APOO: variants seen among roughly 807,000 people sequenced by gnomAD.
The protein encoded by APOO is MICOS complex subunit MIC26.
APOO carries 11 observed loss-of-function variants against 23.1 expected under a neutral mutation model. The observed-to-expected ratio is 0.48, with a 90% CI of 0.30 to 0.79. APOO has a LOEUF of 0.79. Ranked by LOEUF, APOO falls within the 30% of genes least tolerant of loss-of-function variation. The pLI, the probability that APOO is intolerant of heterozygous loss-of-function variation, is 0.07. For synonymous variants in APOO, 59 were observed against 54.8 expected (o/e 1.08, Z -0.34); for missense variants, 160 against 142.7 (o/e 1.12, Z -0.62).
intron 4 of APOO, among the ~76,000 whole-genome samples, chrX:23,872,432 T>G (rs1925659968): frequency 9.2e-6 from 1 of 108,315 alleles, no homozygotes; most frequent in African/African-American, 3.4e-5. Flanking sequence ...CAGCCACACA[T>G]GGACAGATAA....
At chrX:23,875,895 C>G (rs1166611261) in intron 3 of APOO, among the ~76,000 whole-genome samples, 1 of 110,580 alleles carries the variant, frequency 9.0e-6, no homozygotes, top group Non-Finnish European at 1.9e-5. Flanking sequence ...GAGGCTAAGA[C>G]AGGAGTATCT....
chrX:23,882,733 C>T (rs894005108), intron 1 of APOO, among the ~76,000 whole-genome samples: 29 of 109,609 alleles, frequency 2.6e-4, no homozygotes, highest in African/African-American at 9.3e-4. Flanking sequence ...CTGCAACCTT[C>T]CCATCCCAGG....
At chrX:23,863,063 G>C (rs1022681283) in intron 5 of APOO, among the ~76,000 whole-genome samples, 3 of 112,333 alleles carry the variant, frequency 2.7e-5, no homozygotes, top group Non-Finnish European at 3.8e-5. Flanking sequence ...GCTGGGCATG[G>C]TGGCTCATGC....
intron 6 of APOO, among the ~76,000 whole-genome samples, 164 bp downstream of exon 6, chrX:23,858,478 C>T (rs1924872780): frequency 8.9e-6 from 1 of 112,147 alleles, no homozygotes; most frequent in South Asian, 3.7e-4. Flanking sequence ...AGAACTGAGG[C>T]ATATAGTGGA....
rs969409759 is a variant in APOO, at chrX:23,856,316, C to T, written c.547G>A (p.Glu183Lys). 5.0e-6 allele frequency: 6 copies of T among 1,209,664 alleles called. No homozygotes were observed. The highest frequency in any genetic ancestry group is 2.2e-5 in the Admixed American group (1 of 45,797). Residue 183 changes from glutamate (E) to lysine (K), a missense_variant, in exon 7 of 9, where the codon GAG (glutamate) becomes AAG (lysine). Physicochemically the swap from Glu to Lys is moderately conservative, Grantham distance 56. Transcript: ENST00000379226. ...GYIVIEDLWK[E>K]NFQKPGNVKN... ...ATGCTCCTCACCTTTTGAAAGTTCT[C>T]CTTCCACAAATCTTCTATGACTATA...
At chrX:23,879,454 T>G (rs1569239141) in intron 2 of APOO, among the ~76,000 whole-genome samples, 2 of 111,326 alleles carry the variant, frequency 1.8e-5, no homozygotes, top group African/African-American at 6.5e-5. Context: ...ATAATAATAC[T>G]TCATGAATTC....
intron 3 of APOO, among the ~76,000 whole-genome samples, chrX:23,875,607 A>G (rs1769920859): frequency 9.4e-6 from 1 of 106,826 alleles, no homozygotes; most frequent in South Asian, 4.3e-4. Context: ...TTTGGTAGGG[A>G]CAGGGTTTCG....
chrX:23,893,726 G>A (rs1601940017), intron 1 of APOO, among the ~76,000 whole-genome samples: 1 of 110,263 alleles, frequency 9.1e-6, no homozygotes, highest in African/African-American at 3.3e-5. Flanking sequence ...CTGCCACCAC[G>A]CCCAGCTAAT....
intron 4 of APOO, among the ~76,000 whole-genome samples, chrX:23,869,895 T>A (rs1970161465): frequency 9.5e-6 from 1 of 105,260 alleles, no homozygotes. Context: ...GAGGTTGCAG[T>A]GAGCCAAGAT....
chrX:23,877,156 AACAG>A (rs1167834392), intron 3 of APOO, among the ~76,000 whole-genome samples: 6 of 112,159 alleles, frequency 5.3e-5, no homozygotes, highest in Non-Finnish European at 1.1e-4. Flanking sequence ...AAACAAAAAA[AACAG>A]ACAGACTACA....
intron 5 of APOO, among the ~76,000 whole-genome samples, chrX:23,866,356 A>T (rs1376488013): frequency 8.9e-6 from 1 of 112,379 alleles, no homozygotes; most frequent in African/African-American, 3.2e-5. Flanking sequence ...TAAGCTGGAA[A>T]TTTAATTCTG....
chrX:23,848,811 G>A (rs1482332557), intron 7 of APOO, among the ~76,000 whole-genome samples: 1 of 102,930 alleles, frequency 9.7e-6, no homozygotes, highest in African/African-American at 3.6e-5. Context: ...TGAGTCTCCT[G>A]AGTAGCTGGG....
At chrX:23,881,556 G>A (rs1165036443) in intron 1 of APOO, among the ~76,000 whole-genome samples, 1 of 19,587 alleles carries the variant, frequency 5.1e-5, no homozygotes, top group Non-Finnish European at 8.6e-5. Flanking sequence ...CAAAATAATC[G>A]CTCCACTAAA....
intron 1 of APOO, among the ~76,000 whole-genome samples, chrX:23,898,421 C>T (rs1479824813): frequency 9.0e-6 from 1 of 110,923 alleles, no homozygotes; most frequent in Non-Finnish European, 1.9e-5. Flanking sequence ...GGTTTCATAT[C>T]TTAACAGACC....
chrX:23,884,477 A>G (rs1442773108), intron 1 of APOO, among the ~76,000 whole-genome samples: 2 of 112,265 alleles, frequency 1.8e-5, no homozygotes, highest in African/African-American at 6.5e-5. Flanking sequence ...AGAATCGTGT[A>G]TATTTATTGT....
intron 1 of APOO, among the ~76,000 whole-genome samples, chrX:23,890,287 C>T (rs1926597735): frequency 9.0e-6 from 1 of 111,224 alleles, no homozygotes; most frequent in Non-Finnish European, 1.9e-5. Context: ...CAACAAATAC[C>T]CTCCACCCCT....
rs1308413877 is a variant in APOO at position 23,907,815 on chromosome X, A to G, written c.-113T>C. 1 of 919,225 alleles carries G rather than the reference A, an allele frequency of 1.1e-6. No individual in the cohort carries two copies. Among genetic ancestry groups the G allele is most frequent in the African/African-American group, 2.0e-5 (1 of 50,274 alleles). 75.8% of individuals were successfully genotyped at this position (919,225 alleles called of 1,213,427 possible). A position where few individuals can be genotyped will look rare whatever the true frequency, so the allele number is the denominator to read the frequency against. On this transcript the variant is annotated 5_prime_UTR_variant, in exon 1 of 9. Transcript: ENST00000379226. ...TTGATTTCTCCAACCGCAAGCAGGC[A>G]GCGGTGCGGGTGACGGCCGTACTGC... is the stretch of plus-strand genomic sequence containing the variant.
intron 1 of APOO, among the ~76,000 whole-genome samples, chrX:23,907,311 C>T (rs1927405741): frequency 1.8e-5 from 2 of 110,964 alleles, no homozygotes; most frequent in Admixed American, 9.6e-5. Context: ...GTTCTGAAAC[C>T]TGACCCTGCC....
intron 1 of APOO, among the ~76,000 whole-genome samples, chrX:23,892,525 T>G (rs1326007905): frequency 1.8e-5 from 2 of 110,598 alleles, no homozygotes; most frequent in Non-Finnish European, 3.8e-5. Context: ...CTCATACTGC[T>G]GGAATTGGCC....
Sources: allele counts gnomAD v4.1 joint callset (sites outside exome capture counted in the v4.1 genomes callset), GRCh38; gene constraint gnomAD v4.1.1; transcripts MANE v1.5; gene names NCBI Gene and HGNC (gene_info 2026-07-23, HGNC 2026-07-21).